Variants in ESYT3 observed in about 807,000 individuals in gnomAD.
The protein encoded by ESYT3 is extended synaptotagmin 3, also known as extended synaptotagmin-3.
A neutral mutation model predicts 111.5 loss-of-function variants in ESYT3; 101 were observed. That is an observed-to-expected ratio of 0.91 (90% confidence interval 0.77 to 1.07). The LOEUF (loss-of-function observed/expected upper bound fraction) is 1.07, where lower values mean the gene tolerates loss of function less well. Ranked by LOEUF, ESYT3 falls within the 50% of genes least tolerant of loss-of-function variation. The probability of loss-of-function intolerance (pLI) is 0.00; values close to 1 mark genes in which losing one functional copy is unlikely to be tolerated. For synonymous variants in ESYT3, 416 were observed against 446.8 expected, an observed-to-expected ratio of 0.93 and a Z score of 0.87; for missense variants, 1,097 against 1,109.4, an observed-to-expected ratio of 0.99 and a Z score of 0.16.
In ESYT3 at chr3:138,457,612, C is replaced by G. The variant is rs776055727; in HGVS notation, c.549C>G (p.Asn183Lys). The change falls in exon 4 of 23, where the codon AAC becomes AAG. Residue 183 changes from asparagine to lysine, a missense_variant. Transcript: ENST00000389567. The stretch of plus-strand genomic sequence containing the variant: ...TCAAGGCACACACTAATACGTGCAA[C>G]CGAAGACGTGTGACTGTGGACCTGC... ...NGVKAHTNTC[N>K]RRRVTVDLQI... 2 of 1,614,178 alleles carry G rather than the reference C, an allele frequency of 1.2e-6. No homozygotes were observed. Among genetic ancestry groups the G allele is most frequent in the South Asian group, 2.2e-5 (2 of 91,080 alleles).
intron 7 of ESYT3, among the ~76,000 whole-genome samples, chr3:138,461,476 C>A (rs113836138): frequency 3.1e-4 from 47 of 152,316 alleles, no homozygotes; most frequent in African/African-American, 1.1e-3. Context: ...GGGCTGGCAC[C>A]AGCTGGCTCA....
intron 20 of ESYT3, chr3:138,474,581 C>A: frequency 2.6e-6 from 1 of 387,418 alleles, no homozygotes; most frequent in Non-Finnish European, 4.6e-6. Context: ...TAAAGTGTTC[C>A]TGAATATGGA....
chr3:138,471,057 A>AG (rs757404278), intron 17 of ESYT3, 31 bp downstream of exon 17: 1 of 1,588,912 alleles, frequency 6.3e-7, no homozygotes, highest in East Asian at 2.2e-5. Flanking sequence ...GGGGGAGGGG[A>AG]GGAATAGAGC....
chr3:138,444,135 C>T (rs1230844606), intron 1 of ESYT3, among the ~76,000 whole-genome samples: 1 of 152,188 alleles, frequency 6.6e-6, no homozygotes, highest in East Asian at 1.9e-4. Flanking sequence ...CCTCTTCTCT[C>T]TAAATTCTCA....
chr3:138,447,865 A>C (rs1445035040), intron 1 of ESYT3, among the ~76,000 whole-genome samples: 1 of 151,174 alleles, frequency 6.6e-6, no homozygotes, highest in African/African-American at 2.4e-5. Flanking sequence ...TAACAATTGA[A>C]ATCTCAGGAG....
intron 20 of ESYT3, 28 bp downstream of exon 20, chr3:138,474,380 T>C: frequency 6.4e-7 from 1 of 1,553,958 alleles, no homozygotes. Context: ...CTGCCTAGAG[T>C]GCCTCACCCA....
At position 138,469,471 on chromosome 3, in the gene ESYT3, A is replaced by T. The variant is rs780457274; in HGVS notation, c.1470A>T (p.Lys490Asn). Residue 490 changes from lysine (K) to asparagine (N), a missense_variant, in exon 15 of 23, where the codon AAA becomes AAT. Physicochemically the swap from Lys to Asn is moderately conservative, Grantham distance 94. Coordinates refer to ENST00000389567, the MANE Select transcript of ESYT3 (RefSeq NM_031913.5). The part of the protein sequence containing the change: ...KVSKDPSSYV[K>N]LSVGKKTHTS... The stretch of plus-strand genomic sequence containing the variant: ...GCAAAGACCCTTCTTCCTATGTCAA[A>T]CTATCTGTAGGCAAGAAGACACATA... 3.7e-6 allele frequency: 6 copies of T among 1,613,968 alleles called. No individual in the cohort carries two copies. The East Asian group carries it at 1.1e-4, about 30-fold the overall frequency.
At chr3:138,462,320 GA>G in intron 8 of ESYT3, 114 bp downstream of exon 8, 1 of 1,446,572 alleles carries the variant, frequency 6.9e-7, no homozygotes, top group Non-Finnish European at 9.5e-7. Context: ...GACAGTCCCA[GA>G]AAAATGGTAC....
rs200676435 is a variant in ESYT3, at chr3:138,460,003, G to A, written c.707G>A (p.Gly236Glu). 114 of 1,614,044 alleles carry A rather than the reference G, an allele frequency of 7.1e-5. No individual in the cohort carries two copies. The highest frequency in any genetic ancestry group is 7.4e-5 in the Non-Finnish European group (87 of 1,180,022). The change falls in exon 6 of 23, where the codon GGA (glycine) becomes GAA (glutamate). Residue 236 changes from glycine to glutamate, a missense_variant. By Grantham distance (98) the Gly-to-Glu change is moderately conservative. Transcript: ENST00000389567. Reference sequence around the variant, plus strand: ...CTCCTAGTGGACAAGCCCTTTGTGGGAGCCGTGACTGTGTTCTTCCTTCAG... The same window carrying A: ...CTCCTAGTGGACAAGCCCTTTGTGGAAGCCGTGACTGTGTTCTTCCTTCAG... Reference protein sequence around the residue: ...EPLLVDKPFVGAVTVFFLQKP... With the variant: ...EPLLVDKPFVEAVTVFFLQKP...
chr3:138,453,985 T>A (rs2032111144), intron 2 of ESYT3, among the ~76,000 whole-genome samples: 1 of 152,214 alleles, frequency 6.6e-6, no homozygotes, highest in East Asian at 1.9e-4. Context: ...CATGCCTGGC[T>A]AGGGAATGCT....
rs375626196 is a variant in ESYT3, at chr3:138,468,246, T to A, written c.1308+52T>A. On this transcript the variant is annotated intron_variant, in intron 12 of 22. Coordinates refer to ENST00000389567, the MANE Select transcript of ESYT3 (RefSeq NM_031913.5). ...TTGCAGAAAGGTGGAGGAGCACACG[T>A]GCCAGGTGTGTGCAGGTGGAGGAAG... The A allele has an allele frequency of 5.2e-6, 8 of 1,545,452 alleles. No individual in the cohort carries two copies. In the African/African-American group the frequency reaches 5.4e-5, roughly 10 times the overall value.
At chr3:138,468,599 C>T (rs1389476078) in intron 12 of ESYT3, 56 bp from the exon 13 acceptor site, 1 of 1,582,542 alleles carries the variant, frequency 6.3e-7, no homozygotes, top group African/African-American at 1.3e-5. Context: ...TCTCCAAAAT[C>T]AGTCTTTGTG....
rs940070087 is a variant in ESYT3, at chr3:138,434,994, G to A, written c.196G>A (p.Ala66Thr). ...CAGCATAACCTGGTTGCTGCTCGGCGCCCTGCTGTGGATGTGGTGGCGCAG... is the reference window on the plus strand; with the variant it reads ...CAGCATAACCTGGTTGCTGCTCGGCACCCTGCTGTGGATGTGGTGGCGCAG... ...GLSITWLLLG[A>T]LLWMWWRRNR... Residue 66 changes from alanine to threonine, a missense_variant, in exon 1 of 23, where the codon GCC (alanine) becomes ACC (threonine). Transcript: ENST00000389567. 1.1e-5 allele frequency: 17 copies of A among 1,563,668 alleles called. No individual in the cohort carries two copies. The South Asian group carries it at 1.9e-4, about 17-fold the overall frequency.
At chr3:138,464,192 G>C (rs1316136399) in intron 8 of ESYT3, among the ~76,000 whole-genome samples, 153 bp from the exon 9 acceptor site, 1 of 152,202 alleles carries the variant, frequency 6.6e-6, no homozygotes, top group African/African-American at 2.4e-5. Context: ...GCCTTGGCCA[G>C]GTCACTGCCG....
rs1472079858 is a variant in ESYT3, at chr3:138,471,042, C to A, written c.1740+16C>A. 4 of 1,605,820 alleles carry A rather than the reference C, an allele frequency of 2.5e-6. No homozygotes were observed. Among genetic ancestry groups the A allele is most frequent in the Non-Finnish European group, 3.4e-6 (4 of 1,173,586 alleles). ...GGTGCTTCGGGTAAATCTCTCCGGT[C>A]CCCTGGGGGAGGGGAGGAATAGAGC... On this transcript the variant is annotated intron_variant, in intron 17 of 22. Transcript: ENST00000389567.
Position 138,473,622 on chromosome 3 carries a change from T to C in ESYT3, c.2324T>C (p.Ile775Thr). 6.2e-7 allele frequency: 1 copy of C among 1,613,520 alleles called. No homozygotes were observed. Among genetic ancestry groups the C allele is most frequent in the South Asian group, 1.1e-5 (1 of 91,054 alleles). The stretch of plus-strand genomic sequence containing the variant: ...CTGCGGCGCTGCCTCAGCGTGCTAA[T>C]CAATGGCTGCAGGTAAAGGGATTCT... ...VCLRRCLSVL[I>T]NGCRNLTPCT... The change falls in exon 19 of 23, where the codon ATC becomes ACC. Residue 775 changes from isoleucine to threonine, a missense_variant. By Grantham distance (89) the Ile-to-Thr change is moderately conservative. Transcript: ENST00000389567.
In ESYT3 at chr3:138,459,192, T is replaced by C. The variant is rs2032474485; in HGVS notation, c.587T>C (p.Ile196Thr). Reference sequence around the variant, plus strand: ...TTTTCCACCCCCCATTTCAGCTACATCGGGGACTGTGAGATCAGTGTGGAG... The same window carrying C: ...TTTTCCACCCCCCATTTCAGCTACACCGGGGACTGTGAGATCAGTGTGGAG... ...RVTVDLQICY[I>T]GDCEISVELQ... Residue 196 changes from isoleucine to threonine, a missense_variant, in exon 5 of 23, where the codon ATC (isoleucine) becomes ACC (threonine). Coordinates refer to ENST00000389567, the MANE Select transcript of ESYT3 (RefSeq NM_031913.5). 1 of 1,534,932 alleles carries C rather than the reference T, an allele frequency of 6.5e-7. No homozygotes were observed. The highest frequency in any genetic ancestry group is 1.7e-4 in the Middle Eastern group (1 of 5,752).
chr3:138,472,680 C>T lies in ESYT3; in HGVS notation c.2058C>T (p.Ala686=). 1 of 1,614,222 alleles carries T rather than the reference C, an allele frequency of 6.2e-7. No homozygotes were observed. Residue 686 remains alanine (A), a synonymous_variant, in exon 18 of 23, where the codon GCC becomes GCT. Coordinates refer to ENST00000389567, the MANE Select transcript of ESYT3 (RefSeq NM_031913.5). ...CCATCGGGGAGAAGAAGAGTCCAGC[C>T]ACCATCTTCCTGACTGTCCCAGGTC... ...CEPIGEKKSP[A]TIFLTVPGPH...
rs576479063 is a variant in ESYT3 at position 138,472,429 on chromosome 3, C to T, written c.1807C>T (p.Pro603Ser). Residue 603 changes from proline (P) to serine (S), a missense_variant, in exon 18 of 23, where the codon CCT becomes TCT. Transcript: ENST00000389567. The stretch of plus-strand genomic sequence containing the variant: ...AGGACCTGAAGCCCTAAAGAAAGGC[C>T]CTCTGCTCATCAAGAAAGTGGCTAC... ...YTGPEALKKG[P>S]LLIKKVATNQ... 51 of 1,614,176 alleles carry T rather than the reference C, an allele frequency of 3.2e-5. No homozygotes were observed. The South Asian group carries it at 4.2e-4, about 13-fold the overall frequency.
Sources: allele counts gnomAD v4.1 joint callset (sites outside exome capture counted in the v4.1 genomes callset), GRCh38; gene constraint gnomAD v4.1.1; transcripts MANE v1.5; gene names NCBI Gene and HGNC (gene_info 2026-07-23, HGNC 2026-07-21).